Variants in CFAP299 observed in about 807,000 individuals in gnomAD.
The protein encoded by CFAP299 is cilia- and flagella-associated protein 299.
Under a neutral mutation model 27.0 loss-of-function variants are expected in CFAP299, and 21 were observed. The ratio of observed to expected loss-of-function variants is 0.78; its 90% confidence interval spans 0.55 to 1.12. The LOEUF (loss-of-function observed/expected upper bound fraction) is 1.12. Among genes scored for constraint, CFAP299 ranks in the 50% most tolerant of loss-of-function variants. The pLI is 0.00. For missense variants in CFAP299, 310 were observed against 276.6 expected (o/e 1.12, Z -0.86); for synonymous variants, 104 against 98.1 (o/e 1.06, Z -0.36).
intron 2 of CFAP299, among the ~76,000 whole-genome samples, chr4:80,469,552 C>G (rs914652953): frequency 2.0e-5 from 3 of 152,014 alleles, no homozygotes; most frequent in Non-Finnish European, 2.9e-5. Flanking sequence ...TTGACAAAAA[C>G]TAACAATATA....
chr4:80,799,841 ATT>A (rs1311046722), intron 3 of CFAP299, among the ~76,000 whole-genome samples: 4 of 28,406 alleles, frequency 1.4e-4, no homozygotes, highest in African/African-American at 7.4e-4. Context: ...TATATATTAT[ATT>A]ATATAATATA....
chr4:80,636,436 A>T (rs947012827), intron 3 of CFAP299, among the ~76,000 whole-genome samples: 7 of 152,220 alleles, frequency 4.6e-5, no homozygotes, highest in Non-Finnish European at 7.4e-5. Context: ...AAAAAATCTT[A>T]CAAGTGTTAG....
intron 2 of CFAP299, among the ~76,000 whole-genome samples, chr4:80,539,141 T>C (rs759440111): frequency 5.3e-5 from 8 of 152,364 alleles, no homozygotes; most frequent in Admixed American, 1.3e-4. Flanking sequence ...TTTTCACGTT[T>C]GTAGCTATAC....
At chr4:80,875,010 T>G (rs962109059) in intron 4 of CFAP299, among the ~76,000 whole-genome samples, 1 of 152,100 alleles carries the variant, frequency 6.6e-6, no homozygotes, top group African/African-American at 2.4e-5. Flanking sequence ...TTAAAATAAT[T>G]TTACCTATTT....
intron 3 of CFAP299, among the ~76,000 whole-genome samples, chr4:80,585,736 T>C (rs1468264052): frequency 3.3e-5 from 5 of 152,072 alleles, no homozygotes; most frequent in Admixed American, 2.6e-4. Flanking sequence ...TGTGTCTCCA[T>C]AGAGATAGGG....
rs191707146 is a variant in CFAP299 at position 80,809,830 on chromosome 4, A to G, written c.334-60163A>G. 3.9e-3 allele frequency among the ~76,000 whole-genome samples: 586 copies of G among 152,066 alleles called. 1 individual carries two copies. The highest frequency in any genetic ancestry group is 0.01 in the Middle Eastern group (3 of 294). On this transcript the variant is annotated intron_variant, in intron 3 of 5. Coordinates refer to ENST00000358105, the MANE Select transcript of CFAP299 (RefSeq NM_152770.3). ...TATCCCTTCCTAAAATGTGACATCA[A>G]TGTAGTTTGAAATTGCCTGTGACCT...
At chr4:80,465,269 A>C (rs765750276) in intron 2 of CFAP299, among the ~76,000 whole-genome samples, 3 of 152,234 alleles carry the variant, frequency 2.0e-5, no homozygotes, top group Non-Finnish European at 4.4e-5. Context: ...AAAATGCTAG[A>C]AAACTCATAA....
intron 3 of CFAP299, chr4:80,608,270 A>G: frequency 9.3e-7 from 1 of 1,074,536 alleles, no homozygotes; most frequent in Non-Finnish European, 1.4e-6. Context: ...TATACTTTAG[A>G]TAGGAGATTT....
At chr4:80,856,301 T>G (rs1334870722) in intron 3 of CFAP299, among the ~76,000 whole-genome samples, 2 of 145,816 alleles carry the variant, frequency 1.4e-5, no homozygotes, top group Non-Finnish European at 3.0e-5. Flanking sequence ...TTCTGGATAT[T>G]AGCCCTTTGT....
intron 3 of CFAP299, among the ~76,000 whole-genome samples, chr4:80,673,980 G>A (rs1439222413): frequency 6.6e-6 from 1 of 151,170 alleles, no homozygotes; most frequent in African/African-American, 2.4e-5. Context: ...TATCCAATTT[G>A]CCAGTCTGTG....
chr4:80,696,592 A>G (rs149917848), intron 3 of CFAP299, among the ~76,000 whole-genome samples: 106 of 152,338 alleles, frequency 7.0e-4, no homozygotes, highest in African/African-American at 2.5e-3. Context: ...AAGGAGACAG[A>G]CAATAAACAC....
intron 2 of CFAP299, among the ~76,000 whole-genome samples, chr4:80,414,832 C>T (rs1043393862): frequency 2.6e-5 from 4 of 152,210 alleles, no homozygotes; most frequent in Non-Finnish European, 4.4e-5. Flanking sequence ...TCTTTCTTGG[C>T]ATATTTATTT....
At chr4:80,689,159 A>G (rs897161823) in intron 3 of CFAP299, among the ~76,000 whole-genome samples, 1 of 152,192 alleles carries the variant, frequency 6.6e-6, no homozygotes, top group African/African-American at 2.4e-5. Flanking sequence ...CTAGCAAGGC[A>G]GGCCAACATT....
At chr4:80,470,629 C>G (rs915987753) in intron 2 of CFAP299, among the ~76,000 whole-genome samples, 1 of 152,118 alleles carries the variant, frequency 6.6e-6, no homozygotes, top group African/African-American at 2.4e-5. Context: ...TTTTATGAGA[C>G]TGTGTTGACT....
chr4:80,386,929 G>A lies in CFAP299; in HGVS notation c.242+24045G>A, dbSNP rs946588639. 5.9e-6 allele frequency: 5 copies of A among 845,990 alleles called. No homozygotes were observed. In the African/African-American group the frequency reaches 6.6e-5, roughly 11 times the overall value. 52.4% of individuals were successfully genotyped at this position (845,990 alleles called of 1,614,324 possible). ...TTCTCGCCTGAGTGGTTGTGAGCGC[G>A]CAGTTTGAGGTAATGCACCCGCCGG... On this transcript the variant is annotated intron_variant, in intron 2 of 5. Transcript: ENST00000358105.
At chr4:80,397,109 G>GGA (rs1725844304) in intron 2 of CFAP299, among the ~76,000 whole-genome samples, 1 of 151,630 alleles carries the variant, frequency 6.6e-6, no homozygotes, top group Non-Finnish European at 1.5e-5. Context: ...TTAGTCTTGG[G>GGA]AGGGTGTATG....
chr4:80,812,859 A>G (rs573946560), intron 3 of CFAP299, among the ~76,000 whole-genome samples: 118 of 152,234 alleles, frequency 7.8e-4, no homozygotes, highest in African/African-American at 2.6e-3. Context: ...AAGGCATGTT[A>G]TATTTTACAT....
chr4:80,378,202 C>T (rs1397958687), intron 2 of CFAP299, among the ~76,000 whole-genome samples: 1 of 152,064 alleles, frequency 6.6e-6, no homozygotes, highest in African/African-American at 2.4e-5. Context: ...GCTCTTGTAA[C>T]TAGAATTTTT....
chr4:80,335,349 A>C (rs1269488352), upstream of CFAP299, among the ~76,000 whole-genome samples: 2 of 152,162 alleles, frequency 1.3e-5, no homozygotes, highest in Non-Finnish European at 2.9e-5. Flanking sequence ...CGTTGTCACA[A>C]CACCATTTGA....
Sources: allele counts gnomAD v4.1 joint callset (sites outside exome capture counted in the v4.1 genomes callset), GRCh38; gene constraint gnomAD v4.1.1; transcripts MANE v1.5; gene names NCBI Gene and HGNC (gene_info 2026-07-23, HGNC 2026-07-21).